Variants in ANKRD11 observed in about 807,000 individuals in gnomAD.
The protein encoded by ANKRD11 is ankyrin repeat domain 11.
In ANKRD11, 17 loss-of-function variants were observed where a neutral mutation model predicts 195.7. The observed-to-expected ratio is 0.09, with a 90% CI of 0.06 to 0.13. The LOEUF is 0.13. Among genes scored for constraint, ANKRD11 ranks in the 10% least tolerant of loss-of-function variants. The pLI is 1.00. For missense variants in ANKRD11, 3,735 were observed against 3,566.1 expected (o/e 1.05, Z -1.21); for synonymous variants, 1,953 against 1,528.1 (o/e 1.28, Z -6.49).
chr16:89,430,363 C>T lies in ANKRD11; in HGVS notation c.-144-11995G>A, dbSNP rs532438851. Among the ~76,000 whole-genome samples, 453 of 147,454 alleles carry T rather than the reference C, an allele frequency of 3.1e-3. 2 individuals are homozygous for T. The highest frequency in any genetic ancestry group is 0.011 in the African/African-American group (435 of 39,466). ...ACACAGCAGGGACTCTCAACTCTCA[C>T]GCTCAGTCGTTCTAGTACACAGCAG... On this transcript the variant is annotated intron_variant, in intron 1 of 12. Transcript: ENST00000301030.
intron 9 of ANKRD11, among the ~76,000 whole-genome samples, 182 bp from the exon 10 acceptor site, chr16:89,275,373 C>T (rs1246023928): frequency 2.0e-5 from 3 of 152,344 alleles, no homozygotes; most frequent in Middle Eastern, 3.4e-3. Context: ...ATGTGCTGGA[C>T]GCGGGAGAGC....
intron 2 of ANKRD11, among the ~76,000 whole-genome samples, chr16:89,350,635 G>A (rs531444658): frequency 5.1e-4 from 77 of 152,324 alleles, no homozygotes; most frequent in African/African-American, 1.8e-3. Context: ...CTGGGTCCAG[G>A]AAATAGGATG....
rs747374426 is a variant in ANKRD11 at position 89,363,741 on chromosome 16, G to A, written c.-59-46663C>T. ...CTCTGTGGTAGACTGGAAGAACACG[G>A]GCCTGCAGGTTCCAGTCAGGAAGTG... On this transcript the variant is annotated intron_variant, in intron 2 of 12. Transcript: ENST00000301030. 2.6e-5 allele frequency among the ~76,000 whole-genome samples: 4 copies of A among 152,138 alleles called. No individual in the cohort carries two copies. The East Asian group carries it at 5.8e-4, about 22-fold the overall frequency.
chr16:89,286,681 TTTTA>T (rs1261029960), intron 7 of ANKRD11: 1 of 1,245,000 alleles, frequency 8.0e-7, no homozygotes, highest in Non-Finnish European at 1.0e-6. Context: ...CTGCTTTATT[TTTTA>T]TTTTCATTTA....
At chr16:89,417,435 C>A (rs1438280283) in intron 2 of ANKRD11, among the ~76,000 whole-genome samples, 1 of 152,198 alleles carries the variant, frequency 6.6e-6, no homozygotes, top group Non-Finnish European at 1.5e-5. Context: ...CCATGCGTCT[C>A]TGGAAGGAGG....
chr16:89,463,028 C>T (rs1409022353), intron 1 of ANKRD11, among the ~76,000 whole-genome samples: 3 of 148,032 alleles, frequency 2.0e-5, no homozygotes, highest in East Asian at 4.1e-4. Flanking sequence ...CCAGGCCAGC[C>T]GCCCCATCCG....
chr16:89,407,841 C>T (rs1219814583), intron 2 of ANKRD11, among the ~76,000 whole-genome samples: 1 of 126,734 alleles, frequency 7.9e-6, no homozygotes, highest in Non-Finnish European at 1.6e-5. Flanking sequence ...GAGTCAGATC[C>T]TGTCTCCCTC....
intron 2 of ANKRD11, among the ~76,000 whole-genome samples, chr16:89,343,469 G>T (rs1424560805): frequency 6.6e-6 from 1 of 152,178 alleles, no homozygotes; most frequent in African/African-American, 2.4e-5. Flanking sequence ...GGGTACACAG[G>T]TATTCCTAAC....
chr16:89,418,404 A>G (rs1417217803), intron 1 of ANKRD11, 36 bp from the exon 2 acceptor site: 1 of 424,452 alleles, frequency 2.4e-6, no homozygotes, highest in Admixed American at 2.5e-5. Flanking sequence ...CATGTCAATA[A>G]TAATTTCAGC....
intron 2 of ANKRD11, among the ~76,000 whole-genome samples, chr16:89,367,577 C>CCGT: frequency 6.6e-6 from 1 of 152,344 alleles, no homozygotes; most frequent in East Asian, 1.9e-4. Context: ...TGTTCCTGAC[C>CCGT]CGTCCCTCCT....
At chr16:89,474,965 C>T (rs2057207719) in intron 1 of ANKRD11, among the ~76,000 whole-genome samples, 1 of 152,192 alleles carries the variant, frequency 6.6e-6, no homozygotes, top group Non-Finnish European at 1.5e-5. Flanking sequence ...TCCTTTCTTC[C>T]CCAGCTTTGT....
intron 3 of ANKRD11, among the ~76,000 whole-genome samples, chr16:89,305,694 TCCCACTCCGCAGACAC>T (rs2036162584): frequency 4.7e-5 from 4 of 85,968 alleles, no homozygotes; most frequent in African/African-American, 2.0e-4. Flanking sequence ...ACGCGCCACC[TCCCACTCCGCAGACAC>T]GCGCCACCTC....
At chr16:89,300,319 C>G (rs2035769904) in intron 4 of ANKRD11, 1 of 212,404 alleles carries the variant, frequency 4.7e-6, no homozygotes, top group Admixed American at 5.7e-5. Flanking sequence ...TTGCTAACAT[C>G]CCCACACACG....
chr16:89,297,692 G>A (rs974565839), intron 4 of ANKRD11: 3 of 152,260 alleles, frequency 2.0e-5, no homozygotes, highest in Non-Finnish European at 2.9e-5. Flanking sequence ...CGAACAGCCT[G>A]TCCTGGGCCA....
intron 2 of ANKRD11, among the ~76,000 whole-genome samples, chr16:89,396,772 C>T (rs370534566): frequency 1.8e-4 from 28 of 152,176 alleles, no homozygotes; most frequent in East Asian, 5.8e-4. Flanking sequence ...CTGCAACCTC[C>T]GCCTCCCAGG....
chr16:89,444,933 G>C (rs1266467926), intron 1 of ANKRD11, among the ~76,000 whole-genome samples: 1 of 152,216 alleles, frequency 6.6e-6, no homozygotes, highest in Non-Finnish European at 1.5e-5. Flanking sequence ...AGAGACCTCA[G>C]AGGACATCAC....
intron 1 of ANKRD11, among the ~76,000 whole-genome samples, chr16:89,447,473 T>C (rs1240779065): frequency 2.6e-5 from 4 of 152,116 alleles, no homozygotes; most frequent in African/African-American, 9.7e-5. Context: ...ATCCCATCCA[T>C]GCACCCACAT....
At chr16:89,470,254 A>C (rs2057031273) in intron 1 of ANKRD11, among the ~76,000 whole-genome samples, 1 of 152,108 alleles carries the variant, frequency 6.6e-6, no homozygotes, top group Non-Finnish European at 1.5e-5. Context: ...AAAAGCGAGG[A>C]AAAATGAAGT....
Position 89,281,382 on chromosome 16 carries a change from G to T in ANKRD11, c.5160C>A (p.His1720Gln). 6.2e-7 allele frequency: 1 copy of T among 1,609,464 alleles called. No homozygotes were observed. Among genetic ancestry groups the T allele is most frequent in the Non-Finnish European group, 8.5e-7 (1 of 1,176,488 alleles). ...CGCTGCAGGACGGGGTCCTGGGCGT[G>T]TGCATCACCTCCTCGTAGCTGGGGC... Reference protein sequence around the residue: ...LSCPSYEEVMHTPRTPSCSAD... With the variant: ...LSCPSYEEVMQTPRTPSCSAD... Residue 1720 changes from histidine to glutamine, a missense_variant, in exon 9 of 13, where the codon CAC becomes CAA. By Grantham distance (24) the His-to-Gln change is conservative. Coordinates refer to ENST00000301030, the MANE Select transcript of ANKRD11 (RefSeq NM_013275.6). This position sits in a 1 kb window ranked among gnomAD's most constrained non-coding sequence, Gnocchi z 5.5.
Sources: gnomAD v4.1 joint callset for allele counts (sites outside exome capture counted in the v4.1 genomes callset) on GRCh38, gnomAD v4.1.1 for gene constraint, Gnocchi (gnomAD v3.1) non-coding constraint, MANE v1.5 for transcripts, NCBI Gene and HGNC (gene_info 2026-07-23, HGNC 2026-07-21) for gene names.